PLCB1: variants seen among roughly 807,000 people sequenced by gnomAD.
PLCB1 encodes 1-phosphatidylinositol 4,5-bisphosphate phosphodiesterase beta-1.
PLCB1 carries 46 observed loss-of-function variants against 161.8 expected under a neutral mutation model. The observed-to-expected ratio is 0.28, with a 90% CI of 0.22 to 0.36. The LOEUF (loss-of-function observed/expected upper bound fraction) is 0.36, where lower values mean the gene tolerates loss of function less well. Among genes scored for constraint, PLCB1 ranks in the 10% least tolerant of loss-of-function variants. The pLI, the probability that PLCB1 is intolerant of heterozygous loss-of-function variation, is 1.00. For missense variants in PLCB1, 1,016 were observed against 1,472.5 expected (o/e 0.69, Z 5.07); for synonymous variants, 517 against 503.7 (o/e 1.03, Z -0.35).
chr20:8,522,985 C>A (rs1266034559), intron 3 of PLCB1, among the ~76,000 whole-genome samples: 1 of 152,024 alleles, frequency 6.6e-6, no homozygotes, highest in Non-Finnish European at 1.5e-5. Context: ...GTGTAATGTG[C>A]TGGTTAAGCT....
At chr20:8,727,661 T>A (rs754853831) in intron 17 of PLCB1, among the ~76,000 whole-genome samples, 10 of 152,126 alleles carry the variant, frequency 6.6e-5, no homozygotes, top group Admixed American at 3.9e-4. Context: ...ATTTGCTTAA[T>A]CCTGACTTTC....
intron 31 of PLCB1, among the ~76,000 whole-genome samples, chr20:8,826,716 TA>T (rs1985725549): frequency 6.6e-6 from 1 of 152,224 alleles, no homozygotes; most frequent in Admixed American, 6.5e-5. Context: ...CAGTTAACCC[TA>T]AATCATCTTT....
chr20:8,674,041 C>A (rs564434314), intron 9 of PLCB1, among the ~76,000 whole-genome samples: 2 of 152,276 alleles, frequency 1.3e-5, no homozygotes, highest in Admixed American at 1.3e-4. Context: ...TATAAATACT[C>A]CAGCTCCCTC....
intron 3 of PLCB1, among the ~76,000 whole-genome samples, chr20:8,383,647 G>A (rs977593056): frequency 1.3e-5 from 2 of 152,120 alleles, no homozygotes; most frequent in Non-Finnish European, 2.9e-5. Context: ...TTATATTTTG[G>A]TGTGTTTTTG....
intron 11 of PLCB1, among the ~76,000 whole-genome samples, chr20:8,704,962 A>T (rs1978581829): frequency 2.1e-5 from 3 of 143,984 alleles, no homozygotes; most frequent in Admixed American, 1.4e-4. Context: ...AGTCAGGCAG[A>T]AACAGCAAAT....
At chr20:8,805,591 G>A (rs1471957710) in intron 31 of PLCB1, among the ~76,000 whole-genome samples, 1 of 152,104 alleles carries the variant, frequency 6.6e-6, no homozygotes, top group Non-Finnish European at 1.5e-5. Flanking sequence ...AGCATTTATG[G>A]AGCACTTACT....
chr20:8,185,317 G>A (rs2423350), intron 2 of PLCB1, among the ~76,000 whole-genome samples: 11,691 of 152,236 alleles, frequency 0.077, 566 homozygotes, highest in Non-Finnish European at 0.11. Flanking sequence ...CAGCTGAGCT[G>A]CTTATAACAT....
chr20:8,747,320 G>A (rs769284694), intron 23 of PLCB1, among the ~76,000 whole-genome samples: 1 of 152,192 alleles, frequency 6.6e-6, no homozygotes, highest in Non-Finnish European at 1.5e-5. Context: ...TACGAAAGCT[G>A]TATTCATTTG....
At chr20:8,261,484 T>G (rs1257543922) in intron 2 of PLCB1, among the ~76,000 whole-genome samples, 1 of 152,218 alleles carries the variant, frequency 6.6e-6, no homozygotes, top group African/African-American at 2.4e-5. Context: ...CTTTCCTTCC[T>G]ATAAGATTCC....
At chr20:8,694,052 C>T (rs1990535729) in intron 10 of PLCB1, among the ~76,000 whole-genome samples, 1 of 152,088 alleles carries the variant, frequency 6.6e-6, no homozygotes. Flanking sequence ...ATCCGCTAGC[C>T]CCAGAAGCTA....
chr20:8,498,917 A>G (rs1983290129), intron 3 of PLCB1, among the ~76,000 whole-genome samples: 2 of 152,186 alleles, frequency 1.3e-5, no homozygotes, highest in Admixed American at 6.5e-5. Context: ...AGGGATCCCA[A>G]GTACAGCACG....
intron 2 of PLCB1, among the ~76,000 whole-genome samples, chr20:8,193,483 G>C (rs6086363): frequency 1.3e-5 from 2 of 151,892 alleles, no homozygotes; most frequent in Non-Finnish European, 2.9e-5. Flanking sequence ...ATATCCCCTA[G>C]AAAGAAGGCA....
chr20:8,156,607 C>G (rs1031305502), intron 2 of PLCB1, among the ~76,000 whole-genome samples: 13 of 152,070 alleles, frequency 8.5e-5, no homozygotes, highest in Non-Finnish European at 1.8e-4. Context: ...TAAAACAGTC[C>G]TAATTTGGGA....
intron 3 of PLCB1, among the ~76,000 whole-genome samples, chr20:8,384,073 G>C (rs1033114563): frequency 1.3e-5 from 2 of 152,098 alleles, no homozygotes; most frequent in African/African-American, 2.4e-5. Context: ...GGCCTATCTT[G>C]CTAGGTTGGG....
Position 8,716,538 on chromosome 20 carries a change from C to T in PLCB1, c.1335+190C>T, listed in dbSNP as rs941942213. Among the ~76,000 whole-genome samples, 4 of 152,184 alleles carry T rather than the reference C, an allele frequency of 2.6e-5. 1 individual carries two copies. On this transcript the variant is annotated intron_variant, in intron 13 of 31. Transcript: ENST00000338037. The stretch of plus-strand genomic sequence containing the variant: ...GTAGAGGAATGCCTCTGCACTCTTC[C>T]TCTTCCCACACTCTTCTCTCTCGCT...
At chr20:8,704,432 A>G (rs912843468) in intron 11 of PLCB1, among the ~76,000 whole-genome samples, 1 of 152,238 alleles carries the variant, frequency 6.6e-6, no homozygotes, top group Non-Finnish European at 1.5e-5. Flanking sequence ...GACTTTTGTA[A>G]TGTTTATTGG....
chr20:8,796,824 T>G (rs1984048357), intron 31 of PLCB1, among the ~76,000 whole-genome samples: 1 of 152,186 alleles, frequency 6.6e-6, no homozygotes, highest in South Asian at 2.1e-4. Flanking sequence ...TTTAAACACA[T>G]AAGACATTAT....
At chr20:8,333,662 G>T (rs1320430338) in intron 2 of PLCB1, among the ~76,000 whole-genome samples, 3 of 152,118 alleles carry the variant, frequency 2.0e-5, no homozygotes, top group African/African-American at 7.2e-5. Context: ...AAAGCATCTG[G>T]CCCAAAATGT....
intron 2 of PLCB1, among the ~76,000 whole-genome samples, chr20:8,332,716 A>G (rs2745781): frequency 0.015 from 2,254 of 152,312 alleles, 52 homozygotes; most frequent in African/African-American, 0.05. Context: ...TCTTTGGCTA[A>G]TGGTGCTCCC....
Sources: gnomAD v4.1 joint callset for allele counts (sites outside exome capture counted in the v4.1 genomes callset) on GRCh38, gnomAD v4.1.1 for gene constraint, MANE v1.5 for transcripts, NCBI Gene and HGNC (gene_info 2026-07-23, HGNC 2026-07-21) for gene names.